The following PPP1CB variants were observed in gnomAD, a reference collection of about 807,000 sequenced individuals.
PPP1CB encodes the protein protein phosphatase 1 catalytic subunit beta, also known as serine/threonine-protein phosphatase PP1-beta catalytic subunit.
A neutral mutation model predicts 43.7 loss-of-function variants in PPP1CB; 2 were observed. The observed-to-expected ratio is 0.05, with a 90% CI of 0.02 to 0.14. The LOEUF is 0.14. Among genes scored for constraint, PPP1CB ranks in the 10% least tolerant of loss-of-function variants. PPP1CB has a pLI of 1.00. For missense variants in PPP1CB, 84 were observed against 398.0 expected (o/e 0.21, Z 6.71); for synonymous variants, 136 against 135.6 (o/e 1.00, Z -0.02).
chr2:28,763,565 T>C (rs1388392490), intron 1 of PPP1CB, among the ~76,000 whole-genome samples: 1 of 152,200 alleles, frequency 6.6e-6, no homozygotes, highest in Non-Finnish European at 1.5e-5. Context: ...GTACCTGAAA[T>C]GACTTTTTAC....
intron 1 of PPP1CB, among the ~76,000 whole-genome samples, chr2:28,757,628 G>T (rs559148522): frequency 6.6e-6 from 1 of 152,274 alleles, no homozygotes; most frequent in Admixed American, 6.5e-5. Context: ...GTTGGGGAGT[G>T]GGGGAGATCA....
intron 4 of PPP1CB, chr2:28,782,721 A>G (rs1667180783): frequency 6.6e-6 from 1 of 152,204 alleles, no homozygotes; most frequent in South Asian, 2.1e-4. Flanking sequence ...GAGTTTGTTG[A>G]GTGATTTAAT....
At position 28,799,270 on chromosome 2, in the gene PPP1CB, A is replaced by G. The variant is rs769853936; in HGVS notation, c.951A>G (p.Pro317=). 23 of 1,609,616 alleles carry G rather than the reference A, an allele frequency of 1.4e-5. 1 individual carries two copies. The East Asian group carries it at 3.8e-4, about 27-fold the overall frequency. ...GGLNSGRPVT[P]PRTANPPKKR ...TGAATTCTGGACGTCCTGTCACTCC[A>G]CCTCGAACAGCTAATCCGCCGAAGA... Residue 317 remains proline (P), a synonymous_variant, in exon 8 of 8, where the codon CCA becomes CCG. Coordinates refer to ENST00000395366, the MANE Select transcript of PPP1CB (RefSeq NM_002709.3).
intron 1 of PPP1CB, among the ~76,000 whole-genome samples, chr2:28,768,517 A>C (rs1327849899): frequency 6.6e-6 from 1 of 152,194 alleles, no homozygotes; most frequent in Non-Finnish European, 1.5e-5. Flanking sequence ...AATGCCAGAG[A>C]GGCAAAAATG....
At chr2:28,781,058 T>A (rs1216073627) in intron 3 of PPP1CB, among the ~76,000 whole-genome samples, 2 of 152,034 alleles carry the variant, frequency 1.3e-5, no homozygotes, top group African/African-American at 4.8e-5. Flanking sequence ...ATTTAACTAG[T>A]CCACACACTG....
Position 28,751,995 on chromosome 2 carries a change from A to AG in PPP1CB, c.-125dup. On this transcript the variant is annotated 5_prime_UTR_variant, in exon 1 of 8. Transcript: ENST00000395366. ...GGGGGTGGGGGGAGGGCCCGGGAAA[A>AG]GGGGGAGTTGGAGCCGGGGTCGAAA... The AG allele has an allele frequency of 1.3e-6, 1 of 784,792 alleles. No homozygotes were observed. The highest frequency in any genetic ancestry group is 1.5e-5 in the South Asian group (1 of 67,172). 48.6% of individuals were successfully genotyped at this position (784,792 alleles called of 1,614,324 possible).
chr2:28,753,737 T>G (rs903381861), intron 1 of PPP1CB, among the ~76,000 whole-genome samples: 1 of 152,176 alleles, frequency 6.6e-6, no homozygotes, highest in Admixed American at 6.5e-5. Flanking sequence ...TATTTTTTTT[T>G]TATTTTTATT....
intron 2 of PPP1CB, chr2:28,778,271 ATTG>A (rs1421575252): frequency 6.8e-6 from 3 of 441,152 alleles, no homozygotes; most frequent in African/African-American, 4.1e-5. Flanking sequence ...TTAGTTACCT[ATTG>A]TTGTATAATA....
chr2:28,789,504 G>A (rs1372243747), intron 6 of PPP1CB, among the ~76,000 whole-genome samples: 2 of 150,868 alleles, frequency 1.3e-5, no homozygotes, highest in African/African-American at 4.9e-5. Context: ...GCTAGACCCA[G>A]TCTCAAAAAA....
intron 2 of PPP1CB, chr2:28,778,427 G>A (rs1489176236): frequency 2.1e-6 from 1 of 473,944 alleles, no homozygotes; most frequent in Non-Finnish European, 4.4e-6. Flanking sequence ...ATCTCGGGCT[G>A]CAGTCATCTG....
chr2:28,785,074 T>TTG (rs1667236257), intron 5 of PPP1CB, among the ~76,000 whole-genome samples: 1 of 99,948 alleles, frequency 1.0e-5, no homozygotes, highest in African/African-American at 4.3e-5. Flanking sequence ...GCTTTTTTTT[T>TTG]TTTTTTTTTT....
chr2:28,797,401 T>C (rs1258334007), intron 7 of PPP1CB, among the ~76,000 whole-genome samples: 3 of 152,068 alleles, frequency 2.0e-5, no homozygotes, highest in African/African-American at 7.2e-5. Context: ...GGGCCAGGGC[T>C]TTTTTTGGTT....
intron 3 of PPP1CB, among the ~76,000 whole-genome samples, chr2:28,780,946 T>C (rs1488756546): frequency 6.6e-6 from 1 of 152,178 alleles, no homozygotes; most frequent in Non-Finnish European, 1.5e-5. Flanking sequence ...GAAATTTTCC[T>C]TCCTTGGCAA....
At chr2:28,779,448 A>G (rs1417282454) in intron 3 of PPP1CB, among the ~76,000 whole-genome samples, 1 of 152,260 alleles carries the variant, frequency 6.6e-6, no homozygotes, top group Non-Finnish European at 1.5e-5. Flanking sequence ...TTTAAAAGTC[A>G]AAGTTTAATA....
chr2:28,756,684 A>C (rs551473140), intron 1 of PPP1CB, among the ~76,000 whole-genome samples: 1 of 152,044 alleles, frequency 6.6e-6, no homozygotes, highest in East Asian at 1.9e-4. Flanking sequence ...GGGTCTCCCT[A>C]TGTTGGTTGC....
chr2:28,779,515 C>T (rs1284603624), intron 3 of PPP1CB, among the ~76,000 whole-genome samples: 1 of 152,076 alleles, frequency 6.6e-6, no homozygotes, highest in Non-Finnish European at 1.5e-5. Context: ...ACTGAATACT[C>T]TGGGGTATCC....
upstream of PPP1CB, chr2:28,751,807 C>A (rs767439438): frequency 2.5e-5 from 11 of 447,288 alleles, no homozygotes; most frequent in Admixed American, 7.1e-5. Flanking sequence ...CGGGTGGGGC[C>A]GTCGGCGGCG....
intron 1 of PPP1CB, among the ~76,000 whole-genome samples, chr2:28,774,677 C>T (rs886343976): frequency 6.6e-6 from 1 of 152,102 alleles, no homozygotes; most frequent in Non-Finnish European, 1.5e-5. Flanking sequence ...CCACCCACCT[C>T]GGCCTCCCAA....
intron 1 of PPP1CB, among the ~76,000 whole-genome samples, chr2:28,755,677 G>A (rs929443152): frequency 3.3e-5 from 5 of 152,144 alleles, no homozygotes; most frequent in Non-Finnish European, 7.3e-5. Context: ...ATCATCTGGG[G>A]AACTTCATTC....
Sources: gnomAD v4.1 joint callset for allele counts (sites outside exome capture counted in the v4.1 genomes callset) on GRCh38, gnomAD v4.1.1 for gene constraint, MANE v1.5 for transcripts, NCBI Gene and HGNC (gene_info 2026-07-23, HGNC 2026-07-21) for gene names.